The following HSPG2 variants were observed in gnomAD, a reference collection of about 807,000 sequenced individuals.
The protein encoded by HSPG2 is heparan sulfate proteoglycan 2.
A neutral mutation model predicts 526.6 loss-of-function variants in HSPG2; 278 were observed. The observed-to-expected ratio is 0.53, with a 90% CI of 0.48 to 0.58. HSPG2 has a LOEUF of 0.58. Among genes scored for constraint, HSPG2 ranks in the 20% least tolerant of loss-of-function variants. The pLI is 0.00. For synonymous variants in HSPG2, 2,465 were observed against 2,555.4 expected, an observed-to-expected ratio of 0.96 and a Z score of 1.07; for missense variants, 5,354 against 6,099.5, an observed-to-expected ratio of 0.88 and a Z score of 4.07.
chr1:21,929,127 C>T (rs1569689657), intron 1 of HSPG2, among the ~76,000 whole-genome samples: 1 of 152,164 alleles, frequency 6.6e-6, no homozygotes, highest in South Asian at 2.1e-4. Flanking sequence ...ATGAACAAAG[C>T]CAAGTCCCTG....
At chr1:21,855,212 G>A in intron 47 of HSPG2, 92 bp downstream of exon 47, 2 of 1,485,662 alleles carry the variant, frequency 1.3e-6, no homozygotes, top group Non-Finnish European at 1.8e-6. Flanking sequence ...CAGAGGAGGA[G>A]GTGGGGTGGG....
rs1557687894 is a variant in HSPG2, at chr1:21,837,194, C to T, written c.10151-188G>A. On this transcript the variant is annotated intron_variant, in intron 74 of 96. Transcript: ENST00000374695. Reference sequence around the variant, plus strand: ...GCACACACAGCTGCCATTCCACCAACATGGATAAGGGCCTGTGGAGCGCTG... The same window carrying T: ...GCACACACAGCTGCCATTCCACCAATATGGATAAGGGCCTGTGGAGCGCTG... 2.0e-5 allele frequency among the ~76,000 whole-genome samples: 3 copies of T among 152,232 alleles called. No homozygotes were observed. In the South Asian group the frequency reaches 6.2e-4, roughly 32 times the overall value.
chr1:21,833,563 G>T lies in HSPG2; in HGVS notation c.10882C>A (p.Leu3628Met). The T allele has an allele frequency of 6.2e-7, 1 of 1,614,174 alleles. No homozygotes were observed. Among genetic ancestry groups the T allele is most frequent in the Non-Finnish European group, 8.5e-7 (1 of 1,180,012 alleles). The change falls in exon 79 of 97, where the codon CTG (leucine) becomes ATG (methionine). Residue 3628 changes from leucine (L) to methionine (M), a missense_variant. Coordinates refer to ENST00000374695, the MANE Select transcript of HSPG2 (RefSeq NM_005529.7). ...GCGTCCTGGGGTCGGACTGAGGGCA[G>T]CATCAGCATGTTGTTCTCCAGGCGG... The part of the protein sequence containing the change: ...DSRLENNMLM[L>M]PSVRPQDAGT...
rs1467187308 is a variant in HSPG2, at chr1:21,878,934, T to C, written c.2471+60A>G. ...GTCTCCTGCCTCCCTGCCCAGAATA[T>C]TCTCTGGCCTGTTGCACTGTCCCCA... On this transcript the variant is annotated intron_variant, in intron 18 of 96. Coordinates refer to ENST00000374695, the MANE Select transcript of HSPG2 (RefSeq NM_005529.7). The C allele has an allele frequency of 6.3e-6, 10 of 1,579,460 alleles. No individual in the cohort carries two copies. The African/African-American group carries it at 1.3e-4, about 21-fold the overall frequency.
rs1308047588 is a variant in HSPG2 at position 21,822,427 on chromosome 1, C to T, written c.*889G>A. ...GTGGTCATATCCCCCTCCTCTCTCT[C>T]TCAGTCGTGAGTCCTGCCTTCCCCC... On this transcript the variant is annotated 3_prime_UTR_variant, in exon 97 of 97. Coordinates refer to ENST00000374695, the MANE Select transcript of HSPG2 (RefSeq NM_005529.7). 1 of 595,408 alleles carries T rather than the reference C, an allele frequency of 1.7e-6. No individual in the cohort carries two copies. The highest frequency in any genetic ancestry group is 3.0e-6 in the Non-Finnish European group (1 of 332,038). 36.9% of individuals were successfully genotyped at this position (595,408 alleles called of 1,614,324 possible). A position where few individuals can be genotyped will look rare whatever the true frequency, so the allele number is the denominator to read the frequency against.
intron 1 of HSPG2, among the ~76,000 whole-genome samples, chr1:21,915,825 G>C (rs187378841): frequency 3.4e-5 from 5 of 147,420 alleles, no homozygotes; most frequent in Non-Finnish European, 4.5e-5. Flanking sequence ...CGAGGTGGGC[G>C]GATCACCTGA....
intron 80 of HSPG2, 165 bp downstream of exon 80, chr1:21,833,103 G>A (rs1179010878): frequency 1.4e-6 from 1 of 695,448 alleles, no homozygotes; most frequent in Admixed American, 2.0e-5. Context: ...ACAAGAGAAG[G>A]CACACCAGGG....
Position 21,845,977 on chromosome 1 carries a change from G to A in HSPG2, c.8464+131C>T. ...TCCTGGGACCGTGTGGGTGGCGGGAGGTGAAGTCTGGAATCAGAGCGGCAG... is the reference window on the plus strand; with the variant it reads ...TCCTGGGACCGTGTGGGTGGCGGGAAGTGAAGTCTGGAATCAGAGCGGCAG... On this transcript the variant is annotated intron_variant, in intron 64 of 96. Coordinates refer to ENST00000374695, the MANE Select transcript of HSPG2 (RefSeq NM_005529.7). 7 of 1,139,520 alleles carry A rather than the reference G, an allele frequency of 6.1e-6. No individual in the cohort carries two copies. The South Asian group carries it at 9.4e-5, about 15-fold the overall frequency. The allele number at this position is 1,139,520 out of a possible 1,614,324, so 70.6% of individuals were successfully genotyped here.
Position 21,837,009 on chromosome 1 carries a change from G to A in HSPG2, c.10151-3C>T. The A allele has an allele frequency of 6.5e-7, 1 of 1,547,446 alleles. No individual in the cohort carries two copies. The highest frequency in any genetic ancestry group is 8.7e-7 in the Non-Finnish European group (1 of 1,147,382). On this transcript the variant is annotated splice_polypyrimidine_tract_variant and splice_region_variant and intron_variant, in intron 74 of 96. Coordinates refer to ENST00000374695, the MANE Select transcript of HSPG2 (RefSeq NM_005529.7). ...GGCAGGGAGAGAGCCGGGAGGGCCT[G>A]CGGGGACATGTATGAGGTTCTGCAG...
At chr1:21,855,078 G>C in intron 47 of HSPG2, 95 bp from the exon 48 acceptor site, 1 of 1,506,636 alleles carries the variant, frequency 6.6e-7, no homozygotes, top group Non-Finnish European at 9.1e-7. Flanking sequence ...GGCAGGTGCA[G>C]GGCCAATATT....
intron 74 of HSPG2, among the ~76,000 whole-genome samples, chr1:21,837,523 A>T (rs1326115774): frequency 6.6e-6 from 1 of 151,332 alleles, no homozygotes; most frequent in Non-Finnish European, 1.5e-5. Context: ...TCCTGAGCTC[A>T]GGCAATCTGC....
At chr1:21,918,442 G>A (rs1193782503) in intron 1 of HSPG2, among the ~76,000 whole-genome samples, 1 of 151,354 alleles carries the variant, frequency 6.6e-6, no homozygotes, top group East Asian at 1.9e-4. Flanking sequence ...TCCAGCATGG[G>A]CAACAAAGTG....
intron 1 of HSPG2, among the ~76,000 whole-genome samples, chr1:21,911,712 T>G (rs1204683080): frequency 6.6e-6 from 1 of 152,140 alleles, no homozygotes; most frequent in African/African-American, 2.4e-5. Flanking sequence ...TGAAGAGGCT[T>G]GCAATTTCCC....
intron 1 of HSPG2, among the ~76,000 whole-genome samples, chr1:21,916,912 C>T (rs1032533259): frequency 6.6e-5 from 10 of 152,296 alleles, no homozygotes; most frequent in South Asian, 2.1e-4. Flanking sequence ...GAGGCAAAAT[C>T]GGAACCAGGC....
rs777536070 is a variant in HSPG2, at chr1:21,836,914, C to T, written c.10243G>A (p.Ala3415Thr). 4 of 1,559,990 alleles carry T rather than the reference C, an allele frequency of 2.6e-6. No individual in the cohort carries two copies. The highest frequency in any genetic ancestry group is 1.4e-5 in the African/African-American group (1 of 73,534). ...TPQLETKSIG[A>T]SVEFHCAVPS... ...ACAGCACAGTGGAACTCAACGCTGGCCCCAATGCTCTTGGTCTCTAGCTGA... is the reference window on the plus strand; with the variant it reads ...ACAGCACAGTGGAACTCAACGCTGGTCCCAATGCTCTTGGTCTCTAGCTGA... The change falls in exon 75 of 97, where the codon GCC becomes ACC. Residue 3415 changes from alanine to threonine, a missense_variant. Transcript: ENST00000374695.
intron 33 of HSPG2, among the ~76,000 whole-genome samples, chr1:21,867,606 C>A (rs1482054988): frequency 6.6e-6 from 1 of 152,186 alleles, no homozygotes; most frequent in African/African-American, 2.4e-5. Context: ...TTTGAGAATG[C>A]ATATCACGCT....
At chr1:21,853,678 C>T (rs544942182) in intron 50 of HSPG2, 324 of 159,304 alleles carry the variant, frequency 2.0e-3, no homozygotes, top group Non-Finnish European at 3.8e-3. Flanking sequence ...ACCCGGAAGG[C>T]GGAGCTTGCA....
At position 21,850,180 on chromosome 1, in the gene HSPG2, G is replaced by T. The variant is rs747403733; in HGVS notation, c.7307C>A (p.Thr2436Asn). ...CGATGACTCGATCCGGACCGTGGGG[G>T]TGACCCCAAGTGCTGGGGACAGAGG... is the stretch of plus-strand genomic sequence containing the variant. The part of the protein sequence containing the change: ...PAGSVPALGV[T>N]PTVRIESSSS... The change falls in exon 57 of 97, where the codon ACC becomes AAC. Residue 2436 changes from threonine to asparagine, a missense_variant. Physicochemically the swap from Thr to Asn is moderately conservative, Grantham distance 65. Transcript: ENST00000374695. 6.4e-5 allele frequency: 103 copies of T among 1,613,258 alleles called. No individual in the cohort carries two copies. Among genetic ancestry groups the T allele is most frequent in the Non-Finnish European group, 8.6e-5 (101 of 1,180,052 alleles).
chr1:21,833,092 C>A, intron 80 of HSPG2, 176 bp downstream of exon 80: 1 of 678,496 alleles, frequency 1.5e-6, no homozygotes, highest in South Asian at 1.6e-5. Context: ...AGCCGGGAGG[C>A]ACAAGAGAAG....
Sources: allele counts gnomAD v4.1 joint callset (sites outside exome capture counted in the v4.1 genomes callset), GRCh38; gene constraint gnomAD v4.1.1; transcripts MANE v1.5; gene names NCBI Gene and HGNC (gene_info 2026-07-23, HGNC 2026-07-21).